Variants in MYO1H observed in about 807,000 individuals in gnomAD.
MYO1H encodes the protein unconventional myosin-Ih.
Under a neutral mutation model 149.3 loss-of-function variants are expected in MYO1H, and 118 were observed. The observed-to-expected ratio is 0.79, with a 90% CI of 0.68 to 0.92. MYO1H has a LOEUF of 0.92. MYO1H is among the 40% of genes least tolerant of loss of function. The probability of loss-of-function intolerance (pLI) is 0.00; values close to 1 mark genes in which losing one functional copy is unlikely to be tolerated. For missense variants in MYO1H, 1,212 were observed against 1,280.7 expected, an observed-to-expected ratio of 0.95 and a Z score of 0.82; for synonymous variants, 447 against 465.2, an observed-to-expected ratio of 0.96 and a Z score of 0.50.
intron 10 of MYO1H, among the ~76,000 whole-genome samples, chr12:109,408,446 A>T (rs1056871568): frequency 6.6e-6 from 1 of 152,198 alleles, no homozygotes; most frequent in Non-Finnish European, 1.5e-5. Flanking sequence ...AAGTGCTGGG[A>T]TTACAGGCAT....
Position 109,380,839 on chromosome 12 carries a change from G to A in MYO1H, c.13-7844G>A, listed in dbSNP as rs149281056. 1.1e-4 allele frequency among the ~76,000 whole-genome samples: 16 copies of A among 152,188 alleles called. No individual in the cohort carries two copies. The East Asian group carries it at 2.1e-3, about 20-fold the overall frequency. Reference sequence around the variant, plus strand: ...CCCGCACCAGTAGTCCCAACTACTCGGGAGGCTGAGGCAGGAGAATCACTT... The same window carrying A: ...CCCGCACCAGTAGTCCCAACTACTCAGGAGGCTGAGGCAGGAGAATCACTT... On this transcript the variant is annotated intron_variant, in intron 1 of 31. Transcript: ENST00000310903.
chr12:109,434,506 A>G (rs1871776759), intron 20 of MYO1H, among the ~76,000 whole-genome samples: 2 of 152,206 alleles, frequency 1.3e-5, no homozygotes, highest in Admixed American at 1.3e-4. Context: ...AACAAAAACA[A>G]AAAACAAACA....
At chr12:109,345,678 C>T (rs1189672413), upstream of MYO1H, among the ~76,000 whole-genome samples, 1 of 151,998 alleles carries the variant, frequency 6.6e-6, no homozygotes, top group Non-Finnish European at 1.5e-5. Context: ...GCATTATTTG[C>T]AATAGCCAAA....
chr12:109,342,123 A>AT, the MYO1H span, among the ~76,000 whole-genome samples: 3 of 106,874 alleles, frequency 2.8e-5, no homozygotes, highest in Admixed American at 1.0e-4. Flanking sequence ...TTAAAATTTG[A>AT]TTCTTTTTTT....
chr12:109,407,714 T>A, intron 9 of MYO1H, 80 bp from the exon 10 acceptor site: 1 of 1,455,036 alleles, frequency 6.9e-7, no homozygotes, highest in Non-Finnish European at 9.2e-7. Flanking sequence ...TTATTTTTTT[T>A]TTAAGAAAAA....
intron 10 of MYO1H, among the ~76,000 whole-genome samples, chr12:109,408,435 T>C (rs1870494718): frequency 6.6e-6 from 1 of 152,092 alleles, no homozygotes; most frequent in Admixed American, 6.6e-5. Context: ...GCTGCCTTCC[T>C]AAGTGCTGGG....
intron 1 of MYO1H, among the ~76,000 whole-genome samples, chr12:109,363,848 A>G (rs75298894): frequency 0.036 from 5,507 of 152,150 alleles, 138 homozygotes; most frequent in Middle Eastern, 0.071. Flanking sequence ...ACGAAAAAGA[A>G]ATAAAATACT....
intron 18 of MYO1H, among the ~76,000 whole-genome samples, chr12:109,426,678 A>T (rs1399382038): frequency 6.6e-6 from 1 of 152,194 alleles, no homozygotes; most frequent in Non-Finnish European, 1.5e-5. Flanking sequence ...GCCAAGGAAC[A>T]GTCTTCGAAA....
Position 109,397,366 on chromosome 12 carries a change from T to C in MYO1H, c.490-366T>C, listed in dbSNP as rs528086454. Among the ~76,000 whole-genome samples, 3 of 152,252 alleles carry C rather than the reference T, an allele frequency of 2.0e-5. No individual in the cohort carries two copies. In the East Asian group the frequency reaches 5.8e-4, roughly 29 times the overall value. ...TTTATAGTTGAAGGAATTTTCCCAG[T>C]GGACCCTTTGAGCAGAGCAACGGTG... On this transcript the variant is annotated intron_variant, in intron 4 of 31. Coordinates refer to ENST00000310903, the Ensembl canonical transcript of MYO1H.
the MYO1H span, among the ~76,000 whole-genome samples, chr12:109,311,141 G>T: frequency 6.6e-6 from 1 of 152,162 alleles, no homozygotes; most frequent in Non-Finnish European, 1.5e-5. Context: ...GAATGGTTTG[G>T]AAAGAAATTG....
At chr12:109,332,079 A>G in the MYO1H span, among the ~76,000 whole-genome samples, 1 of 152,234 alleles carries the variant, frequency 6.6e-6, no homozygotes, top group African/African-American at 2.4e-5. Context: ...TACTCAGCAC[A>G]GTGTCTGGCA....
intron 22 of MYO1H, 112 bp downstream of exon 22, chr12:109,436,668 C>A: frequency 1.4e-6 from 1 of 713,982 alleles, no homozygotes; most frequent in Non-Finnish European, 2.4e-6. Context: ...TTGTGTGGTG[C>A]TATCTTGGGG....
chr12:109,395,051 AC>A, intron 3 of MYO1H, among the ~76,000 whole-genome samples: 1 of 152,310 alleles, frequency 6.6e-6, no homozygotes, highest in East Asian at 1.9e-4. Context: ...GGTGTGAGCC[AC>A]CATGCCCAGC....
chr12:109,378,485 C>A (rs1869132845), intron 1 of MYO1H, among the ~76,000 whole-genome samples: 1 of 147,782 alleles, frequency 6.8e-6, no homozygotes, highest in Non-Finnish European at 1.5e-5. Flanking sequence ...CATACCCAGC[C>A]AATTTTTTTT....
chr12:109,390,116 A>G (rs1429888265), intron 2 of MYO1H, among the ~76,000 whole-genome samples: 1 of 152,188 alleles, frequency 6.6e-6, no homozygotes, highest in Non-Finnish European at 1.5e-5. Context: ...TACTGATTGA[A>G]GTAATATGGG....
At chr12:109,311,538 G>A in the MYO1H span, among the ~76,000 whole-genome samples, 4 of 152,174 alleles carry the variant, frequency 2.6e-5, no homozygotes, top group Non-Finnish European at 4.4e-5. Context: ...TAAAATGCAA[G>A]GCTTAGGAAT....
intron 10 of MYO1H, among the ~76,000 whole-genome samples, chr12:109,408,661 G>T (rs2338100): frequency 0.079 from 12,093 of 152,290 alleles, 573 homozygotes; most frequent in Middle Eastern, 0.12. Flanking sequence ...ACATGGATGG[G>T]GAGGGGATAT....
intron 13 of MYO1H, 146 bp from the exon 14 acceptor site, chr12:109,411,748 T>G: frequency 2.3e-6 from 1 of 437,882 alleles, no homozygotes; most frequent in East Asian, 4.0e-5. Context: ...GATTAAGCCC[T>G]TCTTCCCCCC....
chr12:109,439,208 G>A (rs1872001545), intron 23 of MYO1H, among the ~76,000 whole-genome samples: 1 of 152,112 alleles, frequency 6.6e-6, no homozygotes, highest in African/African-American at 2.4e-5. Flanking sequence ...CCAAGTAGCT[G>A]AGATTACAGG....
Sources: allele counts gnomAD v4.1 joint callset (sites outside exome capture counted in the v4.1 genomes callset), GRCh38; gene constraint gnomAD v4.1.1; transcripts MANE v1.5; gene names NCBI Gene and HGNC (gene_info 2026-07-23, HGNC 2026-07-21).